COL5A1: variants seen among roughly 807,000 people sequenced by gnomAD.
COL5A1 encodes the protein collagen type V alpha 1 chain.
In COL5A1, 16 loss-of-function variants were observed where a neutral mutation model predicts 263.7. The observed-to-expected ratio is 0.06, with a 90% CI of 0.04 to 0.09. COL5A1 has a LOEUF of 0.09. Ranked by LOEUF, COL5A1 falls within the 10% of genes least tolerant of loss-of-function variation. The probability of loss-of-function intolerance (pLI) is 1.00; values close to 1 mark genes in which losing one functional copy is unlikely to be tolerated. For synonymous variants in COL5A1, 1,012 were observed against 1,004.5 expected, an observed-to-expected ratio of 1.01 and a Z score of -0.14; for missense variants, 2,036 against 2,540.5, an observed-to-expected ratio of 0.80 and a Z score of 4.27.
chr9:134,782,829 T>C, intron 29 of COL5A1, 109 bp downstream of exon 29: 1 of 1,106,824 alleles, frequency 9.0e-7, no homozygotes, highest in South Asian at 1.3e-5. Context: ...AGAATGGAGG[T>C]AAACTCTTGG....
At position 134,730,261 on chromosome 9, in the gene COL5A1, C is replaced by A. The variant is rs1277418884; in HGVS notation, c.950C>A (p.Ala317Asp). 6 of 1,614,108 alleles carry A rather than the reference C, an allele frequency of 3.7e-6. No homozygotes were observed. Among genetic ancestry groups the A allele is most frequent in the Non-Finnish European group, 5.1e-6 (6 of 1,180,030 alleles). ...PEELTPTPTEAAPMPETSEGA... is the reference protein window; with the variant it reads ...PEELTPTPTEDAPMPETSEGA... ...GAGCTGACCCCGACCCCCACGGAAG[C>A]TGCTCCCATGCCTGAAACCAGTGAA... is the stretch of plus-strand genomic sequence containing the variant. Residue 317 changes from alanine (A) to aspartate (D), a missense_variant, in exon 7 of 66, where the codon GCT (alanine) becomes GAT (aspartate). Physicochemically the swap from Ala to Asp is moderately radical, Grantham distance 126. This residue lies in a region of COL5A1 where 600 missense variants were observed against 634.5 expected (regional missense o/e 0.95). Transcript: ENST00000371817.
At chr9:134,749,389 C>T (rs1193850786) in intron 11 of COL5A1, among the ~76,000 whole-genome samples, 1 of 152,236 alleles carries the variant, frequency 6.6e-6, no homozygotes, top group African/African-American at 2.4e-5. Flanking sequence ...GGACCTTTCA[C>T]TTTCACTGTA....
intron 23 of COL5A1, 38 bp from the exon 24 acceptor site, chr9:134,767,272 G>T: frequency 6.3e-7 from 1 of 1,599,800 alleles, no homozygotes; most frequent in African/African-American, 1.3e-5. Flanking sequence ...GTCAATCAGC[G>T]CCCTCACCTT....
chr9:134,828,677 C>T (rs374474463), intron 63 of COL5A1, among the ~76,000 whole-genome samples: 1 of 160 alleles, frequency 6.3e-3, no homozygotes, highest in Admixed American at 0.1. Context: ...CATAATGCGC[C>T]ATACACACCA....
chr9:134,654,672 GTA>G (rs1831870406), intron 1 of COL5A1, among the ~76,000 whole-genome samples: 2 of 130,770 alleles, frequency 1.5e-5, no homozygotes, highest in Non-Finnish European at 1.6e-5. Flanking sequence ...GTGTAGGGCT[GTA>G]GGTGTGTAGA....
chr9:134,807,484 G>A (rs763401884), intron 42 of COL5A1, among the ~76,000 whole-genome samples: 6 of 152,158 alleles, frequency 3.9e-5, no homozygotes, highest in Non-Finnish European at 8.8e-5. Flanking sequence ...GTAGAGATGG[G>A]GTTTCGCCAT....
rs12346222 is a variant in COL5A1 at position 134,822,864 on chromosome 9, A to G, written c.4609-134A>G. On this transcript the variant is annotated intron_variant, in intron 59 of 65. Transcript: ENST00000371817. ...CTCCTCCCACTCTAGCCGGGCAAAT[A>G]CAAGCATAGACTCTTGAGGGGGATG... 10,796 of 1,025,198 alleles carry G rather than the reference A, an allele frequency of 0.011. 725 individuals carry two copies. The African/African-American group carries it at 0.15, about 14-fold the overall frequency. The allele number at this position is 1,025,198 out of a possible 1,614,324, so 63.5% of individuals were successfully genotyped here. A position where few individuals can be genotyped will look rare whatever the true frequency, so the allele number is the denominator to read the frequency against.
rs187364491 is a variant in COL5A1 at position 134,756,104 on chromosome 9, T to C, written c.1828-661T>C. ...TTGCAGGGCTCTCCTGTGGTGAAGG[T>C]GGGGCCTGCACAGTGGGCCCCGGAA... On this transcript the variant is annotated intron_variant, in intron 16 of 65. Transcript: ENST00000371817. 1.2e-4 allele frequency among the ~76,000 whole-genome samples: 19 copies of C among 152,232 alleles called. 1 individual carries two copies. The East Asian group carries it at 3.7e-3, about 30-fold the overall frequency.
chr9:134,655,196 G>A (rs954004016), intron 1 of COL5A1, among the ~76,000 whole-genome samples: 1 of 151,816 alleles, frequency 6.6e-6, no homozygotes, highest in South Asian at 2.1e-4. Flanking sequence ...GGCTGGGGTT[G>A]TGTTGGGCCG....
At chr9:134,708,221 TCCA>T (rs1364583357) in intron 4 of COL5A1, among the ~76,000 whole-genome samples, 1 of 152,106 alleles carries the variant, frequency 6.6e-6, no homozygotes, top group Non-Finnish European at 1.5e-5. Flanking sequence ...GGCAGGGCAC[TCCA>T]CCGCCTCGGG....
chr9:134,802,045 G>A (rs781519288), intron 38 of COL5A1, 38 bp downstream of exon 38: 5 of 1,602,062 alleles, frequency 3.1e-6, no homozygotes, highest in Non-Finnish European at 4.3e-6. Flanking sequence ...GGGTCACTCG[G>A]TGTCACTTGC....
At chr9:134,791,945 G>GGGTGAGTCA (rs1281003415) in intron 32 of COL5A1, among the ~76,000 whole-genome samples, 1 of 152,224 alleles carries the variant, frequency 6.6e-6, no homozygotes. Flanking sequence ...TGAAGGACAA[G>GGGTGAGTCA]GGTGAGTCAG....
At chr9:134,762,957 C>G (rs1836517176) in intron 19 of COL5A1, among the ~76,000 whole-genome samples, 1 of 152,054 alleles carries the variant, frequency 6.6e-6, no homozygotes, top group African/African-American at 2.4e-5. Flanking sequence ...TGCATGCATG[C>G]ACGCATGGCT....
intron 1 of COL5A1, among the ~76,000 whole-genome samples, chr9:134,643,395 G>A (rs916963455): frequency 2.6e-5 from 4 of 152,206 alleles, no homozygotes; most frequent in Non-Finnish European, 4.4e-5. Context: ...GGACCAGCCC[G>A]CCGCCTGCCA....
At chr9:134,759,828 ACC>A (rs150984026) in intron 18 of COL5A1, among the ~76,000 whole-genome samples, 1 of 48,304 alleles carries the variant, frequency 2.1e-5, no homozygotes, top group Non-Finnish European at 3.2e-5. Context: ...ACACACCCAC[ACC>A]CCCCCACTCA....
chr9:134,765,205 C>T lies in COL5A1; in HGVS notation c.2035-476C>T, dbSNP rs932659659. ...GGTTCCCACCAGGGACTAGTTTCAC[C>T]TGGTGCTCTCCTGCCCGCACCCTCT... On this transcript the variant is annotated intron_variant, in intron 20 of 65. Transcript: ENST00000371817. The surrounding 1 kb of genome is among the most constrained non-coding windows in gnomAD (Gnocchi z 5.1). 1.5e-4 allele frequency among the ~76,000 whole-genome samples: 23 copies of T among 152,180 alleles called. No individual in the cohort carries two copies. Among genetic ancestry groups the T allele is most frequent in the African/African-American group, 5.3e-4 (22 of 41,444 alleles).
Position 134,818,648 on chromosome 9 carries a change from T to C in COL5A1, c.4231-8T>C, listed in dbSNP as rs1838862904. On this transcript the variant is annotated splice_region_variant and splice_polypyrimidine_tract_variant and intron_variant, in intron 54 of 65. Coordinates refer to ENST00000371817, the MANE Select transcript of COL5A1 (RefSeq NM_000093.5). This position sits in a 1 kb window ranked among gnomAD's most constrained non-coding sequence, Gnocchi z 6.0. Reference sequence around the variant, plus strand: ...CCGGACCTCATTCTGCCCTCCGCCGTCCTGCAGGGAGAAGCCGGCTTGGAA... The same window carrying C: ...CCGGACCTCATTCTGCCCTCCGCCGCCCTGCAGGGAGAAGCCGGCTTGGAA... 1.9e-6 allele frequency: 3 copies of C among 1,604,574 alleles called. No individual in the cohort carries two copies. The highest frequency in any genetic ancestry group is 1.9e-4 in the Middle Eastern group (1 of 5,318).
rs1350103200 is a variant in COL5A1 at position 134,685,995 on chromosome 9, C to CCCATCCAT, written c.110-4912_110-4905dup. Reference sequence around the variant, plus strand: ...CATCCATTAGCCATCCATCCACCCACCCATCCATCCATTCATCCATCCATC... The same window carrying CCCATCCAT: ...CATCCATTAGCCATCCATCCACCCACCCATCCATCCATCCATCCATTCATCCATCCATC... On this transcript the variant is annotated intron_variant, in intron 1 of 65. Coordinates refer to ENST00000371817, the MANE Select transcript of COL5A1 (RefSeq NM_000093.5). Among the ~76,000 whole-genome samples the CCCATCCAT allele has an allele frequency of 2.6e-5, 4 of 151,224 alleles. No individual in the cohort carries two copies. In the East Asian group the frequency reaches 7.8e-4, roughly 30 times the overall value.
At chr9:134,828,591 A>G (rs1839402692) in intron 63 of COL5A1, among the ~76,000 whole-genome samples, 1 of 7,666 alleles carries the variant, frequency 1.3e-4, no homozygotes, top group African/African-American at 5.2e-4. Flanking sequence ...ACCACACCAC[A>G]CATCACACAG....
Sources: allele counts gnomAD v4.1 joint callset (sites outside exome capture counted in the v4.1 genomes callset), GRCh38; gene constraint gnomAD v4.1.1; regional missense constraint gnomAD v4.1.1; non-coding constraint Gnocchi (gnomAD v3.1); transcripts MANE v1.5; gene names NCBI Gene and HGNC (gene_info 2026-07-23, HGNC 2026-07-21).